The following CEP95 variants were observed in gnomAD, a reference collection of about 807,000 sequenced individuals.
CEP95 encodes centrosomal protein 95, also known as centrosomal protein of 95 kDa.
In CEP95, 98 loss-of-function variants were observed where a neutral mutation model predicts 111.2. That is an observed-to-expected ratio of 0.88 (90% confidence interval 0.75 to 1.04). CEP95 has a LOEUF of 1.04. Ranked by LOEUF, CEP95 falls within the 50% of genes least tolerant of loss-of-function variation. The pLI, the probability that CEP95 is intolerant of heterozygous loss-of-function variation, is 0.00. For missense variants in CEP95, 1,027 were observed against 977.2 expected, an observed-to-expected ratio of 1.05 and a Z score of -0.68; for synonymous variants, 323 against 327.1, an observed-to-expected ratio of 0.99 and a Z score of 0.14.
intron 8 of CEP95, among the ~76,000 whole-genome samples, chr17:64,523,566 C>CAAA (rs543447385): frequency 1.6e-4 from 23 of 139,934 alleles, no homozygotes; most frequent in African/African-American, 5.5e-4. Flanking sequence ...GACTTCATCT[C>CAAA]AAAAAAAAAA....
intron 6 of CEP95, 79 bp from the exon 7 acceptor site, chr17:64,521,323 A>G (rs891637267): frequency 1.4e-5 from 15 of 1,034,874 alleles, no homozygotes; most frequent in African/African-American, 3.2e-5. Flanking sequence ...CCTGAGTACA[A>G]AACTCTTGGC....
Position 64,532,902 on chromosome 17 carries a change from C to T in CEP95, c.1736C>T (p.Ser579Phe), listed in dbSNP as rs1555680620. The stretch of plus-strand genomic sequence containing the variant: ...GAGCAGTTTCCGTTTCTTTATGTTT[C>T]TGGCCCAACACTAAGCAAAATGTGG... ...MLEQFPFLYVSGPTLSKMWKQ... is the reference protein window; with the variant it reads ...MLEQFPFLYVFGPTLSKMWKQ... The change falls in exon 15 of 20, where the codon TCT (serine) becomes TTT (phenylalanine). Residue 579 changes from serine (S) to phenylalanine (F), a missense_variant. Ser to Phe is a radical substitution (Grantham distance 155). Transcript: ENST00000556440. 1 of 1,613,870 alleles carries T rather than the reference C, an allele frequency of 6.2e-7. No individual in the cohort carries two copies. Among genetic ancestry groups the T allele is most frequent in the Admixed American group, 1.7e-5 (1 of 59,998 alleles).
chr17:64,531,990 G>A lies in CEP95; in HGVS notation c.1640G>A (p.Gly547Asp). 6.3e-7 allele frequency: 1 copy of A among 1,599,122 alleles called. No individual in the cohort carries two copies. Among genetic ancestry groups the A allele is most frequent in the Middle Eastern group, 1.7e-4 (1 of 5,974 alleles). The change falls in exon 14 of 20, where the codon GGT becomes GAT. Residue 547 changes from glycine (G) to aspartate (D), a missense_variant. By Grantham distance (94) the Gly-to-Asp change is moderately conservative (BLOSUM62 -1). Coordinates refer to ENST00000556440, the MANE Select transcript of CEP95 (RefSeq NM_138363.3). ...AAAACCACAACGCAGAGTCTAAGAG[G>A]TGGCCTCCCAAAGCCAAATAAAGCA... Reference protein sequence around the residue: ...SRKTTTQSLRGGLPKPNKAVP... With the variant: ...SRKTTTQSLRDGLPKPNKAVP...
upstream of CEP95, chr17:64,506,799 C>T (rs1263456313): frequency 1.8e-6 from 1 of 550,478 alleles, no homozygotes; most frequent in Non-Finnish European, 3.3e-6. Context: ...GGGCTGCCGG[C>T]TGATGTGGAC....
At chr17:64,536,857 G>GCA (rs1968691537) in intron 18 of CEP95, 109 bp downstream of exon 18, 8 of 1,327,150 alleles carry the variant, frequency 6.0e-6, no homozygotes. Context: ...ACTGAAGTTT[G>GCA]CACTCTACAG....
At chr17:64,508,086 A>G (rs2038670123) in intron 1 of CEP95, 2 of 985,474 alleles carry the variant, frequency 2.0e-6, no homozygotes. Flanking sequence ...CCAGTTCTTA[A>G]CAGCCTAAGT....
chr17:64,533,194 A>G lies in CEP95; in HGVS notation c.1917+3A>G. The G allele has an allele frequency of 6.3e-7, 1 of 1,579,962 alleles. No individual in the cohort carries two copies. The highest frequency in any genetic ancestry group is 8.6e-7 in the Non-Finnish European group (1 of 1,169,516). ...AATATGAACATAACAAGAGACTGGT[A>G]TGTCAAGAGCAAGTTGGGTATTATA... On this transcript the variant is annotated splice_donor_region_variant and intron_variant, in intron 16 of 19. Transcript: ENST00000556440.
Position 64,510,164 on chromosome 17 carries a change from C to G in CEP95, c.149-9C>G, listed in dbSNP as rs782043985. 6 of 1,542,458 alleles carry G rather than the reference C, an allele frequency of 3.9e-6. No individual in the cohort carries two copies. In the African/African-American group the frequency reaches 6.9e-5, roughly 18 times the overall value. ...GGATACAAAATTATGTGATTTTTTCCCCCCCCAGACCTCATAGTTATTCCT... is the reference window on the plus strand; with the variant it reads ...GGATACAAAATTATGTGATTTTTTCGCCCCCCAGACCTCATAGTTATTCCT... On this transcript the variant is annotated splice_polypyrimidine_tract_variant and intron_variant, in intron 2 of 19. Coordinates refer to ENST00000556440, the MANE Select transcript of CEP95 (RefSeq NM_138363.3).
intron 3 of CEP95, among the ~76,000 whole-genome samples, chr17:64,512,151 T>C (rs529128361): frequency 1.8e-4 from 28 of 152,262 alleles, no homozygotes; most frequent in African/African-American, 6.3e-4. Context: ...GCGAGAAAAA[T>C]GTAGTACAAT....
intron 12 of CEP95, 144 bp from the exon 13 acceptor site, chr17:64,530,782 A>G: frequency 1.9e-6 from 1 of 515,262 alleles, no homozygotes. Flanking sequence ...CGCGGCTAAG[A>G]GCTTGGATGC....
Position 64,510,253 on chromosome 17 carries a change from T to C in CEP95, c.229T>C (p.Leu77=), listed in dbSNP as rs782052264. 9 of 1,609,390 alleles carry C rather than the reference T, an allele frequency of 5.6e-6. No homozygotes were observed. Among genetic ancestry groups the C allele is most frequent in the Middle Eastern group, 3.3e-4 (2 of 6,054 alleles). ...AVIDSLALDY[L]QVSLSHITGE... ...AATTGATTCACTGGCCTTGGACTAC[T>C]TGCAGGTCAGCTTGTCTCACATAAC... Residue 77 remains leucine, a synonymous_variant, in exon 3 of 20, where the codon TTG becomes CTG. Coordinates refer to ENST00000556440, the MANE Select transcript of CEP95 (RefSeq NM_138363.3).
chr17:64,534,497 C>A, intron 16 of CEP95, 88 bp from the exon 17 acceptor site: 2 of 1,214,772 alleles, frequency 1.6e-6, no homozygotes, highest in East Asian at 2.4e-5. Context: ...CTGAAGACAT[C>A]GTGATGGGGA....
At chr17:64,531,783 CTA>C in intron 13 of CEP95, 105 bp from the exon 14 acceptor site, 1 of 812,778 alleles carries the variant, frequency 1.2e-6, no homozygotes, top group Admixed American at 3.9e-5. Flanking sequence ...AGCTAAAAAA[CTA>C]AAAAACTACC....
intron 17 of CEP95, 60 bp from the exon 18 acceptor site, chr17:64,536,542 C>A (rs1424083835): frequency 7.7e-7 from 1 of 1,306,264 alleles, no homozygotes; most frequent in Non-Finnish European, 1.1e-6. Context: ...TCAGTATATA[C>A]CTCTAGTTGG....
chr17:64,513,797 G>T (rs2039007548), intron 3 of CEP95, among the ~76,000 whole-genome samples: 1 of 152,040 alleles, frequency 6.6e-6, no homozygotes, highest in South Asian at 2.1e-4. Flanking sequence ...TTACTCTGCT[G>T]CTATAATCTT....
At chr17:64,511,363 G>T (rs143674516) in intron 3 of CEP95, among the ~76,000 whole-genome samples, 48 of 152,260 alleles carry the variant, frequency 3.2e-4, no homozygotes, top group Middle Eastern at 3.4e-3. Flanking sequence ...AGATGGCCAC[G>T]CCCGGGGGAC....
At chr17:64,527,882 A>ACACACGTG (rs1967971574) in intron 11 of CEP95, among the ~76,000 whole-genome samples, 1 of 143,308 alleles carries the variant, frequency 7.0e-6, no homozygotes, top group East Asian at 2.1e-4. Context: ...ATATATATAT[A>ACACACGTG]TATATATATA....
At chr17:64,526,001 A>G in intron 9 of CEP95, 70 bp from the exon 10 acceptor site, 1 of 1,544,874 alleles carries the variant, frequency 6.5e-7, no homozygotes, top group Non-Finnish European at 8.8e-7. Context: ...TAAAGTACGT[A>G]TTACAGTTAT....
Position 64,507,021 on chromosome 17 carries a change from C to G in CEP95, c.-77C>G. 1.3e-6 allele frequency: 2 copies of G among 1,525,340 alleles called. No individual in the cohort carries two copies. The highest frequency in any genetic ancestry group is 1.8e-6 in the Non-Finnish European group (2 of 1,124,172). The allele number at this position is 1,525,340 out of a possible 1,614,324, so 94.5% of individuals were successfully genotyped here. A position where few individuals can be genotyped will look rare whatever the true frequency, so the allele number is the denominator to read the frequency against. On this transcript the variant is annotated 5_prime_UTR_variant, in exon 1 of 20. Transcript: ENST00000556440. ...GTGCGTCCGCGCCCCAGTGTCGGGT[C>G]TGCGTGGATCGGTCCTTCCAGGACA...
Sources: gnomAD v4.1 joint callset for allele counts (sites outside exome capture counted in the v4.1 genomes callset) on GRCh38, gnomAD v4.1.1 for gene constraint, MANE v1.5 for transcripts, NCBI Gene and HGNC (gene_info 2026-07-23, HGNC 2026-07-21) for gene names.